Variants in ADAMTS12 observed in about 807,000 individuals in gnomAD.
The protein encoded by ADAMTS12 is A disintegrin and metalloproteinase with thrombospondin motifs 12.
ADAMTS12 carries 118 observed loss-of-function variants against 167.8 expected under a neutral mutation model. The ratio of observed to expected loss-of-function variants is 0.70; its 90% CI spans 0.61 to 0.82. ADAMTS12 has a LOEUF of 0.82. ADAMTS12 is among the 40% of genes least tolerant of loss of function. The probability of loss-of-function intolerance (pLI) is 0.00; values close to 1 mark genes in which losing one functional copy is unlikely to be tolerated. For synonymous variants in ADAMTS12, 704 were observed against 716.9 expected (o/e 0.98, Z 0.29); for missense variants, 1,916 against 1,998.8 (o/e 0.96, Z 0.79).
intron 18 of ADAMTS12, among the ~76,000 whole-genome samples, chr5:33,582,929 A>T (rs1371678986): frequency 6.6e-6 from 1 of 152,258 alleles, no homozygotes; most frequent in African/African-American, 2.4e-5. Flanking sequence ...ATGTGAAATA[A>T]GCACGTCATA....
At chr5:33,801,748 C>T (rs757576045) in intron 2 of ADAMTS12, among the ~76,000 whole-genome samples, 2 of 152,176 alleles carry the variant, frequency 1.3e-5, no homozygotes, top group African/African-American at 4.8e-5. Context: ...ATTGTGACAT[C>T]AGACAGCGAA....
At chr5:33,547,041 G>A (rs769174762) in intron 21 of ADAMTS12, among the ~76,000 whole-genome samples, 5 of 152,222 alleles carry the variant, frequency 3.3e-5, no homozygotes, top group East Asian at 1.9e-4. Flanking sequence ...AAGAACTAAC[G>A]TAGTGCCTTC....
In ADAMTS12 at chr5:33,684,051, A is replaced by G. The variant is rs2112263404; in HGVS notation, c.639T>C (p.Ser213=). The G allele has an allele frequency of 6.3e-7, 1 of 1,577,064 alleles. No homozygotes were observed. The highest frequency in any genetic ancestry group is 1.4e-5 in the African/African-American group (1 of 73,922). The change falls in exon 4 of 24, where the codon AGT becomes AGC. Residue 213 remains serine, a synonymous_variant. Coordinates refer to ENST00000504830, the MANE Select transcript of ADAMTS12 (RefSeq NM_030955.4). ...GCTCTTGCTTCTGGGAGATGTTAAC[A>G]CTGTCTAAACAGTAAACAGAAGACA... ...TKEPTCGLKD[S]VNISQKQELW... is the part of the protein sequence containing the mutation.
intron 16 of ADAMTS12, among the ~76,000 whole-genome samples, 158 bp from the exon 17 acceptor site, chr5:33,596,218 C>T (rs1383970705): frequency 6.7e-6 from 1 of 149,174 alleles, no homozygotes; most frequent in Non-Finnish European, 1.5e-5. Context: ...GAATAGGGAC[C>T]TCTTACAATT....
intron 2 of ADAMTS12, among the ~76,000 whole-genome samples, chr5:33,766,699 A>T (rs1292545898): frequency 6.6e-6 from 1 of 152,174 alleles, no homozygotes; most frequent in Admixed American, 6.5e-5. Context: ...AGGTACAAAG[A>T]ACTCATTCTT....
intron 3 of ADAMTS12, among the ~76,000 whole-genome samples, chr5:33,691,481 TG>T (rs766148517): frequency 2.0e-4 from 30 of 152,292 alleles, no homozygotes; most frequent in Non-Finnish European, 3.8e-4. Context: ...AACCATACAG[TG>T]GGAATGGAAT....
In ADAMTS12 at chr5:33,861,820, C is replaced by T. The variant is rs1749627839; in HGVS notation, c.489+19299G>A. ...AAATGCAAACGAACAGAAATCATAACAAACAGACTCTCAGACCACACTGCA... is the reference window on the plus strand; with the variant it reads ...AAATGCAAACGAACAGAAATCATAATAAACAGACTCTCAGACCACACTGCA... On this transcript the variant is annotated intron_variant, in intron 2 of 23. Transcript: ENST00000504830. Among the ~76,000 whole-genome samples the T allele has an allele frequency of 2.0e-5, 3 of 152,150 alleles. 1 individual carries two copies. The South Asian group carries it at 6.2e-4, about 32-fold the overall frequency.
chr5:33,531,997 T>A (rs1744125749), intron 23 of ADAMTS12, among the ~76,000 whole-genome samples: 1 of 152,170 alleles, frequency 6.6e-6, no homozygotes, highest in African/African-American at 2.4e-5. Context: ...TTCTCCCTAT[T>A]GCTGTGAAAC....
chr5:33,694,893 C>T (rs2032877), intron 3 of ADAMTS12, among the ~76,000 whole-genome samples: 19,305 of 152,128 alleles, frequency 0.13, 1,706 homozygotes, highest in South Asian at 0.43. Flanking sequence ...TCATTTTCTT[C>T]ACTTGGCTAC....
intron 16 of ADAMTS12, among the ~76,000 whole-genome samples, chr5:33,600,027 A>AGTCC (rs1360843769): frequency 6.6e-6 from 1 of 152,218 alleles, no homozygotes; most frequent in Non-Finnish European, 1.5e-5. Context: ...TACTAAATAT[A>AGTCC]GTCCCAAAAG....
intron 20 of ADAMTS12, among the ~76,000 whole-genome samples, chr5:33,558,904 G>T (rs1745607109): frequency 6.6e-6 from 1 of 152,104 alleles, no homozygotes; most frequent in African/African-American, 2.4e-5. Flanking sequence ...GACCAGTATC[G>T]ATTCTTGAAA....
intron 2 of ADAMTS12, 33 bp from the exon 3 acceptor site, chr5:33,751,581 A>T: frequency 1.2e-6 from 2 of 1,608,162 alleles, no homozygotes; most frequent in Non-Finnish European, 8.5e-7. Flanking sequence ...AGTTTATTTT[A>T]ACCAATTCTA....
intron 2 of ADAMTS12, among the ~76,000 whole-genome samples, chr5:33,836,875 G>A (rs1008655302): frequency 3.3e-5 from 5 of 152,168 alleles, no homozygotes; most frequent in Admixed American, 3.3e-4. Flanking sequence ...AGAGGCTGCA[G>A]AGAGAGGTCA....
chr5:33,823,287 T>A (rs1235270097), intron 2 of ADAMTS12, among the ~76,000 whole-genome samples: 1 of 152,194 alleles, frequency 6.6e-6, no homozygotes, highest in African/African-American at 2.4e-5. Flanking sequence ...GCACACTGGC[T>A]GTTATTCTTT....
intron 16 of ADAMTS12, among the ~76,000 whole-genome samples, chr5:33,608,334 T>G (rs551101971): frequency 4.9e-4 from 74 of 152,320 alleles, no homozygotes; most frequent in African/African-American, 1.6e-3. Flanking sequence ...CAGAGGTAGA[T>G]GAAGACAGAG....
chr5:33,803,592 A>G lies in ADAMTS12; in HGVS notation c.490-52044T>C, dbSNP rs1561280624. On this transcript the variant is annotated intron_variant, in intron 2 of 23. Coordinates refer to ENST00000504830, the MANE Select transcript of ADAMTS12 (RefSeq NM_030955.4). ...GGGAGGTCAGATGAAGAGTGAGACAATTGTATTAGTCTGTTCTCGCACTGC... is the reference window on the plus strand; with the variant it reads ...GGGAGGTCAGATGAAGAGTGAGACAGTTGTATTAGTCTGTTCTCGCACTGC... Among the ~76,000 whole-genome samples, 6 of 152,188 alleles carry G rather than the reference A, an allele frequency of 3.9e-5. No homozygotes were observed. The South Asian group carries it at 1.2e-3, about 32-fold the overall frequency.
In ADAMTS12 at chr5:33,881,624, C is replaced by T. The variant is rs10075037; in HGVS notation, c.128-144G>A. 4.3e-3 allele frequency: 5,145 copies of T among 1,188,788 alleles called. 176 individuals are homozygous for T. The African/African-American group carries it at 0.072, about 17-fold the overall frequency. The allele number at this position is 1,188,788 out of a possible 1,614,324, so 73.6% of individuals were successfully genotyped here. The stretch of plus-strand genomic sequence containing the variant: ...TTTCCCAGGCTGGAGTGCAATGGCA[C>T]GATCCGGGCTCACCGCAACCTCCTC... On this transcript the variant is annotated intron_variant, in intron 1 of 23. Transcript: ENST00000504830.
chr5:33,732,262 T>C (rs1744220372), intron 3 of ADAMTS12, among the ~76,000 whole-genome samples: 2 of 152,180 alleles, frequency 1.3e-5, no homozygotes, highest in South Asian at 2.1e-4. Flanking sequence ...AGGTGAATAT[T>C]TATCTGACAC....
chr5:33,734,799 G>A (rs1253860012), intron 3 of ADAMTS12, among the ~76,000 whole-genome samples: 1 of 152,210 alleles, frequency 6.6e-6, no homozygotes, highest in Non-Finnish European at 1.5e-5. Context: ...CAACTGGGGT[G>A]TCTGCTCAGG....
Sources: gnomAD v4.1 joint callset for allele counts (sites outside exome capture counted in the v4.1 genomes callset) on GRCh38, gnomAD v4.1.1 for gene constraint, MANE v1.5 for transcripts, NCBI Gene and HGNC (gene_info 2026-07-23, HGNC 2026-07-21) for gene names.